The following KLF12 variants were observed in gnomAD, a reference collection of about 807,000 sequenced individuals.
KLF12 encodes the protein KLF transcription factor 12.
Under a neutral mutation model 37.8 loss-of-function variants are expected in KLF12, and 9 were observed. The observed-to-expected ratio is 0.24, with a 90% CI of 0.14 to 0.42. The LOEUF (loss-of-function observed/expected upper bound fraction) is 0.42, where lower values mean the gene tolerates loss of function less well. Ranked by LOEUF, KLF12 falls within the 10% of genes least tolerant of loss-of-function variation. The probability of loss-of-function intolerance (pLI) is 1.00; values close to 1 mark genes in which losing one functional copy is unlikely to be tolerated. For synonymous variants in KLF12, 208 were observed against 202.1 expected (o/e 1.03, Z -0.25); for missense variants, 411 against 516.0 (o/e 0.80, Z 1.97).
At chr13:74,301,323 C>A in the KLF12 span, among the ~76,000 whole-genome samples, 1 of 152,110 alleles carries the variant, frequency 6.6e-6, no homozygotes, top group Non-Finnish European at 1.5e-5. Flanking sequence ...GAACACTGTA[C>A]AATAAAGTCC....
At chr13:74,251,410 G>A in the KLF12 span, among the ~76,000 whole-genome samples, 2 of 151,818 alleles carry the variant, frequency 1.3e-5, no homozygotes, top group South Asian at 2.1e-4. Flanking sequence ...CCTCCCAAAG[G>A]GCTGGGATTA....
chr13:73,948,154 A>G (rs767952007), intron 2 of KLF12, among the ~76,000 whole-genome samples: 7 of 152,212 alleles, frequency 4.6e-5, no homozygotes, highest in Non-Finnish European at 1.0e-4. Context: ...ATTATGCTAG[A>G]CAGTGATGTA....
chr13:74,177,305 T>C, the KLF12 span, among the ~76,000 whole-genome samples: 1 of 152,288 alleles, frequency 6.6e-6, no homozygotes, highest in East Asian at 1.9e-4. Context: ...CAAAATTATA[T>C]GTAAATTCAG....
chr13:73,723,424 G>T (rs760151203), intron 6 of KLF12, among the ~76,000 whole-genome samples: 1 of 152,092 alleles, frequency 6.6e-6, no homozygotes, highest in Non-Finnish European at 1.5e-5. Context: ...TTTTCCCACA[G>T]AATTTCTTCA....
intron 5 of KLF12, chr13:73,812,754 C>G (rs2138432906): frequency 6.4e-6 from 1 of 156,146 alleles, no homozygotes; most frequent in East Asian, 1.9e-4. Flanking sequence ...TTAAATCTTC[C>G]AAAAAGCTAT....
intron 5 of KLF12, among the ~76,000 whole-genome samples, chr13:73,797,737 TC>T (rs1882060417): frequency 8.1e-6 from 1 of 123,760 alleles, no homozygotes; most frequent in Non-Finnish European, 1.6e-5. Flanking sequence ...GCCACTGCAC[TC>T]CAGCCTGGGC....
chr13:73,822,774 A>AT (rs1883599101), intron 4 of KLF12, among the ~76,000 whole-genome samples: 4 of 152,120 alleles, frequency 2.6e-5, no homozygotes, highest in Admixed American at 2.6e-4. Context: ...AGTTCATAAA[A>AT]TTTTCCATTA....
intron 6 of KLF12, among the ~76,000 whole-genome samples, chr13:73,741,504 C>T (rs1206313394): frequency 1.3e-5 from 2 of 152,192 alleles, no homozygotes; most frequent in Non-Finnish European, 2.9e-5. Flanking sequence ...TGCCAGATCC[C>T]AACTATTTTT....
the KLF12 span, among the ~76,000 whole-genome samples, chr13:74,297,193 TTCAG>T: frequency 6.6e-6 from 1 of 152,146 alleles, no homozygotes; most frequent in Non-Finnish European, 1.5e-5. Context: ...TGCCAGACTA[TTCAG>T]AAACAGGAAA....
At chr13:74,251,724 T>C in the KLF12 span, among the ~76,000 whole-genome samples, 1 of 152,252 alleles carries the variant, frequency 6.6e-6, no homozygotes, top group South Asian at 2.1e-4. Flanking sequence ...GAGAAGTTGC[T>C]TGCAAGAGAA....
chr13:74,108,028 T>G (rs1179579024), intron 1 of KLF12, among the ~76,000 whole-genome samples: 1 of 152,222 alleles, frequency 6.6e-6, no homozygotes, highest in Admixed American at 6.5e-5. Context: ...GTTTTCAATG[T>G]ACTATTAAGT....
chr13:73,789,497 C>A (rs907885846), intron 5 of KLF12, among the ~76,000 whole-genome samples: 1 of 152,082 alleles, frequency 6.6e-6, no homozygotes, highest in African/African-American at 2.4e-5. Flanking sequence ...TCTGTTCCCA[C>A]CTAAGCCCTA....
At chr13:73,943,642 C>CTG (rs1890290088) in intron 3 of KLF12, among the ~76,000 whole-genome samples, 2 of 152,220 alleles carry the variant, frequency 1.3e-5, no homozygotes, top group African/African-American at 4.8e-5. Flanking sequence ...TATGATGACA[C>CTG]TGAGGTTATA....
At chr13:73,747,678 T>C (rs1452203949) in intron 6 of KLF12, among the ~76,000 whole-genome samples, 1 of 152,190 alleles carries the variant, frequency 6.6e-6, no homozygotes, top group Admixed American at 6.5e-5. Context: ...ATATAGTGCA[T>C]TTAATCCTCA....
intron 3 of KLF12, among the ~76,000 whole-genome samples, chr13:73,896,110 T>A (rs1469686876): frequency 6.6e-6 from 1 of 152,148 alleles, no homozygotes; most frequent in Non-Finnish European, 1.5e-5. Flanking sequence ...CACCACAGAA[T>A]TCTATAAATG....
intron 2 of KLF12, among the ~76,000 whole-genome samples, chr13:73,950,969 A>C (rs528118639): frequency 4.6e-5 from 7 of 152,220 alleles, no homozygotes; most frequent in Non-Finnish European, 1.0e-4. Flanking sequence ...GCTCCAGTCC[A>C]TGATGCCAGG....
At chr13:73,845,731 A>T in intron 4 of KLF12, 96 bp downstream of exon 4, 2 of 1,100,890 alleles carry the variant, frequency 1.8e-6, no homozygotes, top group Non-Finnish European at 2.6e-6. Flanking sequence ...GAACTTCTTT[A>T]GATGTAGTGT....
chr13:74,154,054 C>T, the KLF12 span, among the ~76,000 whole-genome samples: 16 of 143,044 alleles, frequency 1.1e-4, no homozygotes, highest in African/African-American at 3.8e-4. Context: ...GGTGAAACCC[C>T]GTCTCTAGTA....
intron 3 of KLF12, among the ~76,000 whole-genome samples, chr13:73,902,485 T>C (rs1888086146): frequency 6.6e-6 from 1 of 152,202 alleles, no homozygotes. Flanking sequence ...ATTAAGTGAC[T>C]TACCCAAGTT....
Sources: allele counts gnomAD v4.1 joint callset (sites outside exome capture counted in the v4.1 genomes callset), GRCh38; gene constraint gnomAD v4.1.1; transcripts MANE v1.5; gene names NCBI Gene and HGNC (gene_info 2026-07-23, HGNC 2026-07-21).